PREX1: variants seen among roughly 807,000 people sequenced by gnomAD.
The protein encoded by PREX1 is phosphatidylinositol-3,4,5-trisphosphate dependent Rac exchange factor 1.
PREX1 carries 41 observed loss-of-function variants against 198.3 expected under a neutral mutation model. The observed-to-expected ratio is 0.21, with a 90% CI of 0.16 to 0.27. PREX1 has a LOEUF of 0.27. PREX1 is among the 10% of genes least tolerant of loss of function. PREX1 has a pLI of 1.00. For synonymous variants in PREX1, 843 were observed against 887.2 expected, an observed-to-expected ratio of 0.95 and a Z score of 0.89; for missense variants, 1,620 against 2,200.7, an observed-to-expected ratio of 0.74 and a Z score of 5.28.
Position 48,660,011 on chromosome 20 carries a change from C to A in PREX1, c.1789G>T (p.Ala597Ser). 2 of 1,614,194 alleles carry A rather than the reference C, an allele frequency of 1.2e-6. No individual in the cohort carries two copies. The highest frequency in any genetic ancestry group is 1.7e-6 in the Non-Finnish European group (2 of 1,180,034). ...RDESQYFRFH[A>S]DEEMEGTSSK... The stretch of plus-strand genomic sequence containing the variant: ...CTGGTCCCCTCCATCTCCTCGTCAG[C>A]ATGAAAGCGGAAGTACTGGGACTCA... The change falls in exon 16 of 40, where the codon GCT becomes TCT. Residue 597 changes from alanine (A) to serine (S), a missense_variant. Around this residue, in one of 7 missense-constraint regions of PREX1, gnomAD observed 488 missense variants for 802.5 expected, o/e 0.61. Coordinates refer to ENST00000371941, the MANE Select transcript of PREX1 (RefSeq NM_020820.4).
chr20:48,681,808 G>A (rs1208497923), intron 10 of PREX1, among the ~76,000 whole-genome samples: 1 of 152,158 alleles, frequency 6.6e-6, no homozygotes, highest in African/African-American at 2.4e-5. Context: ...ATATGGGGTG[G>A]ATGAAGAAGA....
rs186755282 is a variant in PREX1, at chr20:48,673,830, A to G, written c.1665+2363T>C. Among the ~76,000 whole-genome samples, 135 of 152,358 alleles carry G rather than the reference A, an allele frequency of 8.9e-4. 1 individual carries two copies. The highest frequency in any genetic ancestry group is 8.2e-3 in the Admixed American group (125 of 15,304). On this transcript the variant is annotated intron_variant, in intron 14 of 39. Coordinates refer to ENST00000371941, the MANE Select transcript of PREX1 (RefSeq NM_020820.4). The stretch of plus-strand genomic sequence containing the variant: ...GAAAGAGATGAGGAATCATAGTAAT[A>G]GTTAACGTTTATTGAGCAATTACTC...
chr20:48,661,437 AAAAAAAAATATATATAT>A (rs1476145147), intron 15 of PREX1, among the ~76,000 whole-genome samples: 1 of 105,594 alleles, frequency 9.5e-6, no homozygotes, highest in African/African-American at 5.5e-5. Flanking sequence ...AAAAAAAAAA[AAAAAAAAATATATATAT>A]ATATATATAT....
chr20:48,879,517 C>T, the PREX1 span, among the ~76,000 whole-genome samples: 1 of 152,180 alleles, frequency 6.6e-6, no homozygotes, highest in South Asian at 2.1e-4. Flanking sequence ...CTATCTAGCA[C>T]CTAAAAGGTT....
At chr20:48,862,790 A>AAAAATATATAT in the PREX1 span, among the ~76,000 whole-genome samples, 33 of 102,534 alleles carry the variant, frequency 3.2e-4, no homozygotes, top group African/African-American at 1.4e-3. Context: ...TAAAAAAAAA[A>AAAAATATATAT]ATATATATAT....
intron 1 of PREX1, 136 bp from the exon 2 acceptor site, chr20:48,748,016 C>T (rs746916359): frequency 5.0e-5 from 37 of 732,790 alleles, no homozygotes; most frequent in East Asian, 1.1e-4. Context: ...AGGCAGAGGA[C>T]GAGGAAAAAC....
chr20:48,812,664 CT>C (rs1312190357), intron 1 of PREX1, among the ~76,000 whole-genome samples: 3 of 152,166 alleles, frequency 2.0e-5, no homozygotes, highest in Non-Finnish European at 2.9e-5. Context: ...TAATTCCCCC[CT>C]CAATCTAAGA....
chr20:48,868,739 T>C, the PREX1 span, among the ~76,000 whole-genome samples: 1 of 152,254 alleles, frequency 6.6e-6, no homozygotes. Context: ...AAAGTGTCTT[T>C]ATAATTATAC....
At chr20:48,869,298 GTTGTTTTGTTTTTT>G in the PREX1 span, among the ~76,000 whole-genome samples, 2 of 93,914 alleles carry the variant, frequency 2.1e-5, no homozygotes, top group South Asian at 3.5e-4. Context: ...TTTTGTTTTT[GTTGTTTTGTTTTTT>G]TTTTTAGACG....
At chr20:48,702,083 C>G (rs981438232) in intron 6 of PREX1, among the ~76,000 whole-genome samples, 19 of 152,152 alleles carry the variant, frequency 1.2e-4, no homozygotes, top group African/African-American at 4.6e-4. Flanking sequence ...ATGGCAGATG[C>G]CTGTAATCCC....
the PREX1 span, among the ~76,000 whole-genome samples, chr20:48,834,217 A>C: frequency 6.6e-6 from 1 of 152,218 alleles, no homozygotes; most frequent in Non-Finnish European, 1.5e-5. Context: ...AAAAGGGTTC[A>C]GAAAGAGACT....
At chr20:48,707,583 TC>T (rs2089909323) in intron 6 of PREX1, among the ~76,000 whole-genome samples, 1 of 152,198 alleles carries the variant, frequency 6.6e-6, no homozygotes, top group South Asian at 2.1e-4. Flanking sequence ...ACTTTCATCT[TC>T]CCTCTTAATC....
intron 21 of PREX1, among the ~76,000 whole-genome samples, chr20:48,651,953 A>C (rs2089501573): frequency 6.6e-6 from 1 of 152,212 alleles, no homozygotes; most frequent in Non-Finnish European, 1.5e-5. Flanking sequence ...CAGGGAGCTG[A>C]AACGGGCAAG....
intron 14 of PREX1, among the ~76,000 whole-genome samples, chr20:48,675,791 T>C (rs11086258): frequency 0.4 from 60,553 of 151,566 alleles, 12,940 homozygotes; most frequent in African/African-American, 0.55. Context: ...GTAATCCCAG[T>C]GATTTGGGAG....
chr20:48,874,089 T>C, the PREX1 span, among the ~76,000 whole-genome samples: 1 of 152,180 alleles, frequency 6.6e-6, no homozygotes. Flanking sequence ...CTACATGTAT[T>C]TGTACCTGAC....
At chr20:48,755,438 T>C (rs1383524912) in intron 1 of PREX1, among the ~76,000 whole-genome samples, 2 of 152,240 alleles carry the variant, frequency 1.3e-5, no homozygotes, top group Non-Finnish European at 2.9e-5. Context: ...GGTGTGGGCA[T>C]GCAACTAAGT....
chr20:48,792,815 A>AC (rs758333598), intron 1 of PREX1, among the ~76,000 whole-genome samples: 7 of 75,850 alleles, frequency 9.2e-5, no homozygotes, highest in South Asian at 8.1e-4. Context: ...AAAAAAAAAA[A>AC]ATACACACAC....
chr20:48,772,469 C>T (rs1411213266), intron 1 of PREX1, among the ~76,000 whole-genome samples: 1 of 152,200 alleles, frequency 6.6e-6, no homozygotes, highest in Non-Finnish European at 1.5e-5. Flanking sequence ...CCAGCCCAAG[C>T]AGTGCCATAG....
intron 27 of PREX1, 103 bp from the exon 28 acceptor site, chr20:48,642,592 CACAA>C: frequency 2.9e-6 from 3 of 1,048,904 alleles, no homozygotes; most frequent in Non-Finnish European, 2.8e-6. Flanking sequence ...ACTCCAAACC[CACAA>C]GGGATGTGGA....
Sources: gnomAD v4.1 joint callset for allele counts (sites outside exome capture counted in the v4.1 genomes callset) on GRCh38, gnomAD v4.1.1 for gene constraint, gnomAD v4.1.1 regional missense constraint, MANE v1.5 for transcripts, NCBI Gene and HGNC (gene_info 2026-07-23, HGNC 2026-07-21) for gene names.